Variants in ARMC3 observed in about 807,000 individuals in gnomAD.
The protein encoded by ARMC3 is armadillo repeat containing 3, also known as armadillo repeat-containing protein 3.
A neutral mutation model predicts 90.3 loss-of-function variants in ARMC3; 74 were observed. That is an observed-to-expected ratio of 0.82 (90% confidence interval 0.68 to 0.99). The LOEUF (loss-of-function observed/expected upper bound fraction) is 0.99. ARMC3 is among the 50% of genes least tolerant of loss of function. The pLI, the probability that ARMC3 is intolerant of heterozygous loss-of-function variation, is 0.00. For synonymous variants in ARMC3, 334 were observed against 361.8 expected (o/e 0.92, Z 0.87); for missense variants, 958 against 1,042.8 (o/e 0.92, Z 1.12).
intron 2 of ARMC3, among the ~76,000 whole-genome samples, chr10:22,942,067 T>C (rs1419930628): frequency 6.6e-6 from 1 of 151,998 alleles, no homozygotes; most frequent in Non-Finnish European, 1.5e-5. Flanking sequence ...GACAAGGAGG[T>C]TTATGCTTTA....
At chr10:23,005,228 A>C (rs1162541980) in intron 13 of ARMC3, among the ~76,000 whole-genome samples, 2 of 151,564 alleles carry the variant, frequency 1.3e-5, no homozygotes, top group Non-Finnish European at 2.9e-5. Context: ...AAAAAAAAAA[A>C]AAAAACCAAA....
chr10:22,991,901 A>T (rs1041034372), intron 10 of ARMC3, among the ~76,000 whole-genome samples: 7 of 152,312 alleles, frequency 4.6e-5, no homozygotes, highest in Middle Eastern at 3.4e-3. Context: ...ATCCCTTGTC[A>T]TTGACAGATA....
chr10:22,979,601 A>G (rs972416686), intron 8 of ARMC3, among the ~76,000 whole-genome samples: 4 of 152,310 alleles, frequency 2.6e-5, no homozygotes, highest in South Asian at 4.1e-4. Context: ...CTGTTTAGAA[A>G]ATTTGGTTTA....
intron 8 of ARMC3, among the ~76,000 whole-genome samples, chr10:22,971,076 C>G (rs1471838664): frequency 6.6e-6 from 1 of 152,126 alleles, no homozygotes; most frequent in Admixed American, 6.6e-5. Context: ...TCCTGGCAAC[C>G]ACTATTCTTT....
At chr10:23,017,552 G>A (rs1017002375) in intron 16 of ARMC3, among the ~76,000 whole-genome samples, 1 of 152,236 alleles carries the variant, frequency 6.6e-6, no homozygotes, top group Non-Finnish European at 1.5e-5. Context: ...ATCACTTGAG[G>A]TCAGGAGTTT....
intron 18 of ARMC3, 23 bp from the exon 19 acceptor site, chr10:23,037,247 T>G: frequency 6.4e-7 from 1 of 1,558,706 alleles, no homozygotes; most frequent in Non-Finnish European, 8.7e-7. Context: ...CACCCTTGGT[T>G]GATCTCTTGT....
In ARMC3 at chr10:23,035,336, C is replaced by T. The variant is rs115564802; in HGVS notation, c.2410-1934C>T. 6.2e-3 allele frequency among the ~76,000 whole-genome samples: 950 copies of T among 152,220 alleles called. 6 individuals carry two copies. The highest frequency in any genetic ancestry group is 0.022 in the African/African-American group (914 of 41,514). ...GCCATCACATTAGGGATTAGGGCTT[C>T]AACATATGAATTTGGGGGAGTACAC... On this transcript the variant is annotated intron_variant, in intron 18 of 18. Coordinates refer to ENST00000298032, the MANE Select transcript of ARMC3 (RefSeq NM_173081.5).
chr10:22,997,645 T>C (rs1837051434), intron 10 of ARMC3, among the ~76,000 whole-genome samples: 1 of 152,192 alleles, frequency 6.6e-6, no homozygotes, highest in Non-Finnish European at 1.5e-5. Context: ...GGCTAATGAA[T>C]TTTAACTTAA....
intron 2 of ARMC3, among the ~76,000 whole-genome samples, chr10:22,938,349 A>G (rs548217284): frequency 1.3e-5 from 2 of 152,338 alleles, no homozygotes; most frequent in Admixed American, 1.3e-4. Flanking sequence ...ACGTTAGGTT[A>G]TGTTAAGCAA....
chr10:22,958,245 A>G (rs1426098027), intron 4 of ARMC3, among the ~76,000 whole-genome samples: 1 of 152,208 alleles, frequency 6.6e-6, no homozygotes, highest in Non-Finnish European at 1.5e-5. Context: ...GCTGACAAAA[A>G]TAGTATAAAA....
At chr10:22,976,410 G>A (rs1044453694) in intron 8 of ARMC3, among the ~76,000 whole-genome samples, 1 of 152,130 alleles carries the variant, frequency 6.6e-6, no homozygotes, top group Non-Finnish European at 1.5e-5. Context: ...TCCTGCAGAG[G>A]CATTTTCAGT....
Position 22,961,893 on chromosome 10 carries a change from T to A in ARMC3, c.547T>A (p.Cys183Ser), listed in dbSNP as rs1835211547. Residue 183 changes from cysteine (C) to serine (S), a missense_variant, in exon 7 of 19, where the codon TGT becomes AGT. Cys to Ser is a moderately radical substitution (Grantham distance 112, BLOSUM62 -1). Coordinates refer to ENST00000298032, the MANE Select transcript of ARMC3 (RefSeq NM_173081.5). Reference sequence around the variant, plus strand: ...CTGTATTTTGTGGCAGGATTTTCAGTGTCGAGCTAAACTTCAAGAACTAAA... The same window carrying A: ...CTGTATTTTGTGGCAGGATTTTCAGAGTCGAGCTAAACTTCAAGAACTAAA... ...CIYNLVQDFQCRAKLQELNAI... is the reference protein window; with the variant it reads ...CIYNLVQDFQSRAKLQELNAI... The A allele has an allele frequency of 6.2e-7, 1 of 1,602,268 alleles. No individual in the cohort carries two copies. Among genetic ancestry groups the A allele is most frequent in the South Asian group, 1.1e-5 (1 of 88,268 alleles).
Position 22,981,368 on chromosome 10 carries a change from A to G in ARMC3, c.945A>G (p.Gln315=), listed in dbSNP as rs1417261558. The G allele has an allele frequency of 2.7e-5, 43 of 1,605,416 alleles. No individual in the cohort carries two copies. Among genetic ancestry groups the G allele is most frequent in the Non-Finnish European group, 3.5e-5 (41 of 1,177,902 alleles). Residue 315 remains glutamine (Q), a synonymous_variant, in exon 9 of 19, where the codon CAA becomes CAG. Coordinates refer to ENST00000298032, the MANE Select transcript of ARMC3 (RefSeq NM_173081.5). The part of the protein sequence containing the change: ...DPENRKLFHE[Q]EVEKCLVALL... ...AAAATAGAAAACTTTTTCATGAACA[A>G]GAGGTTGAAAAGTGCCTTGTAGCCC...
rs866161391 is a variant in ARMC3, at chr10:22,998,219, C to G, written c.1247C>G (p.Ala416Gly). The change falls in exon 11 of 19, where the codon GCC (alanine) becomes GGC (glycine). Residue 416 changes from alanine to glycine, a missense_variant. By Grantham distance (60) the Ala-to-Gly change is moderately conservative (BLOSUM62 0). Transcript: ENST00000298032. ...TCTAGTAAACGAGATGGAGCCATTGCCAACGCTGCTACAGTATTAACAAAC... is the reference window on the plus strand; with the variant it reads ...TCTAGTAAACGAGATGGAGCCATTGGCAACGCTGCTACAGTATTAACAAAC... Reference protein sequence around the residue: ...LLSSKRDGAIANAATVLTNMA... With the variant: ...LLSSKRDGAIGNAATVLTNMA... The G allele has an allele frequency of 8.7e-6, 14 of 1,613,308 alleles. No individual in the cohort carries two copies. In the Middle Eastern group the frequency reaches 2.3e-3, roughly 266 times the overall value.
At chr10:22,986,097 C>A (rs1453583586) in intron 10 of ARMC3, among the ~76,000 whole-genome samples, 1 of 148,646 alleles carries the variant, frequency 6.7e-6, no homozygotes, top group Non-Finnish European at 1.5e-5. Flanking sequence ...ACCCCCACAC[C>A]CCTGCACTGC....
chr10:23,011,922 AAAGACTCAGC>A (rs1221390653), intron 16 of ARMC3, among the ~76,000 whole-genome samples: 1 of 152,194 alleles, frequency 6.6e-6, no homozygotes, highest in African/African-American at 2.4e-5. Flanking sequence ...TGGCCCTGGG[AAAGACTCAGC>A]CTTCTGCTCC....
At chr10:23,006,849 A>G in intron 13 of ARMC3, 35 bp from the exon 14 acceptor site, 1 of 1,583,726 alleles carries the variant, frequency 6.3e-7, no homozygotes, top group South Asian at 1.1e-5. Flanking sequence ...TGACCCCTGC[A>G]GATACTACTT....
At chr10:22,959,695 C>A (rs1835111159) in intron 6 of ARMC3, 121 bp downstream of exon 6, 2 of 940,878 alleles carry the variant, frequency 2.1e-6, no homozygotes, top group Non-Finnish European at 3.1e-6. Context: ...CTTCTTGTTA[C>A]TGGTATTTAT....
chr10:22,993,663 A>C (rs1179593106), intron 10 of ARMC3, among the ~76,000 whole-genome samples: 2 of 152,220 alleles, frequency 1.3e-5, no homozygotes, highest in Non-Finnish European at 2.9e-5. Flanking sequence ...GGTAAGTACC[A>C]GGTACAGACA....
Sources: gnomAD v4.1 joint callset for allele counts (sites outside exome capture counted in the v4.1 genomes callset) on GRCh38, gnomAD v4.1.1 for gene constraint, MANE v1.5 for transcripts, NCBI Gene and HGNC (gene_info 2026-07-23, HGNC 2026-07-21) for gene names.